KMT2C: variants seen among roughly 807,000 people sequenced by gnomAD.
KMT2C encodes the protein lysine methyltransferase 2C, also known as histone-lysine N-methyltransferase 2C.
Under a neutral mutation model 507.9 loss-of-function variants are expected in KMT2C, and 88 were observed. The ratio of observed to expected loss-of-function variants is 0.17; its 90% CI spans 0.15 to 0.21. KMT2C has a LOEUF of 0.21. KMT2C is among the 10% of genes least tolerant of loss of function. The pLI, the probability that KMT2C is intolerant of heterozygous loss-of-function variation, is 1.00. For synonymous variants in KMT2C, 2,049 were observed against 2,080.8 expected (o/e 0.98, Z 0.42); for missense variants, 4,954 against 5,957.8 (o/e 0.83, Z 5.55).
intron 38 of KMT2C, among the ~76,000 whole-genome samples, chr7:152,175,670 ATCTG>A (rs754675838): frequency 8.5e-4 from 130 of 152,188 alleles, no homozygotes; most frequent in Non-Finnish European, 1.4e-3. Context: ...AGCTGAGGCA[ATCTG>A]TCTGCCTCGG....
At position 152,144,639 on chromosome 7, in the gene KMT2C, C is replaced by T. The variant is rs2129092509; in HGVS notation, c.14343+74G>A. On this transcript the variant is annotated intron_variant, in intron 55 of 58. Coordinates refer to ENST00000262189, the MANE Select transcript of KMT2C (RefSeq NM_170606.3). This position sits in a 1 kb window ranked among gnomAD's most constrained non-coding sequence, Gnocchi z 4.4. ...AGCTATGTGAAATCATTTTCACATA[C>T]TGGACATCAATAGCTTCAGATTGCT... 2 of 1,395,542 alleles carry T rather than the reference C, an allele frequency of 1.4e-6. No homozygotes were observed. Among genetic ancestry groups the T allele is most frequent in the Non-Finnish European group, 2.0e-6 (2 of 1,005,606 alleles). The allele number at this position is 1,395,542 out of a possible 1,614,324, so 86.4% of individuals were successfully genotyped here.
intron 5 of KMT2C, 64 bp downstream of exon 5, chr7:152,311,734 A>C: frequency 8.3e-7 from 1 of 1,204,988 alleles, no homozygotes; most frequent in South Asian, 1.6e-5. Context: ...GGACATTAAT[A>C]ATGTATTAAA....
rs2129120258 is a variant in KMT2C, at chr7:152,181,739, C to T, written c.6121G>A (p.Gly2041Arg). 1 of 1,614,098 alleles carries T rather than the reference C, an allele frequency of 6.2e-7. No homozygotes were observed. The highest frequency in any genetic ancestry group is 8.5e-7 in the Non-Finnish European group (1 of 1,180,032). ...GGTTGCATTGGAGTCTTAAAAGGTC[C>T]AGGACCACTATCAAGAGGTGCAGGT... Reference protein sequence around the residue: ...LTPAPLDSGPGPFKTPMQPPP... With the variant: ...LTPAPLDSGPRPFKTPMQPPP... Residue 2041 changes from glycine to arginine, a missense_variant, in exon 36 of 59, where the codon GGA becomes AGA. By Grantham distance (125) the Gly-to-Arg change is moderately radical (BLOSUM62 -2). Transcript: ENST00000262189.
At chr7:152,392,814 T>A (rs1707856339) in intron 1 of KMT2C, among the ~76,000 whole-genome samples, 3 of 152,234 alleles carry the variant, frequency 2.0e-5, no homozygotes, top group Admixed American at 6.5e-5. Context: ...TCACTGAAAT[T>A]AAAGAACAAT....
At chr7:152,362,819 AATTTTG>A (rs1336563339) in intron 1 of KMT2C, among the ~76,000 whole-genome samples, 4 of 152,138 alleles carry the variant, frequency 2.6e-5, no homozygotes, top group African/African-American at 9.7e-5. Context: ...CTTAAAAAAT[AATTTTG>A]ATTTTAATTT....
intron 9 of KMT2C, among the ~76,000 whole-genome samples, chr7:152,256,723 G>A (rs916079923): frequency 2.6e-5 from 4 of 152,076 alleles, no homozygotes; most frequent in Non-Finnish European, 5.9e-5. Context: ...GACAATTCAC[G>A]AGAAGAAATT....
At chr7:152,253,515 A>C (rs1458765351) in intron 9 of KMT2C, among the ~76,000 whole-genome samples, 8 of 56,410 alleles carry the variant, frequency 1.4e-4, no homozygotes, top group African/African-American at 3.5e-4. Flanking sequence ...CTTTCTCTAC[A>C]AAAAAAAAAA....
chr7:152,211,028 G>T (rs1471135813), intron 23 of KMT2C, among the ~76,000 whole-genome samples: 1 of 151,660 alleles, frequency 6.6e-6, no homozygotes, highest in Non-Finnish European at 1.5e-5. Flanking sequence ...CAGACTGAAA[G>T]AGACCACTCA....
At chr7:152,344,063 G>A (rs1403285513) in intron 2 of KMT2C, among the ~76,000 whole-genome samples, 1 of 152,316 alleles carries the variant, frequency 6.6e-6, no homozygotes, top group East Asian at 1.9e-4. Flanking sequence ...CTGCAACAAT[G>A]TATTCAATTA....
rs79605387 is a variant in KMT2C at position 152,154,459 on chromosome 7, A to C, written c.11961-14T>G. On this transcript the variant is annotated splice_polypyrimidine_tract_variant and intron_variant, in intron 46 of 58. Transcript: ENST00000262189. ...TGATCCTGTATCCTGAAAAAACATA[A>C]ACACACACATCAAAGTCTGCAAATC... The C allele has an allele frequency of 7.3e-4, 1,172 of 1,609,478 alleles. 10 individuals are homozygous for C. The East Asian group carries it at 0.021, about 28-fold the overall frequency.
chr7:152,353,094 T>C (rs1401051856), intron 2 of KMT2C, among the ~76,000 whole-genome samples: 1 of 152,140 alleles, frequency 6.6e-6, no homozygotes, highest in Non-Finnish European at 1.5e-5. Context: ...ATAAAAAAAA[T>C]GCGCAGAGAC....
intron 1 of KMT2C, among the ~76,000 whole-genome samples, chr7:152,369,465 C>G (rs971373924): frequency 1.3e-5 from 2 of 152,024 alleles, no homozygotes; most frequent in African/African-American, 2.4e-5. Flanking sequence ...AAAACTAACA[C>G]ACACAAAAAA....
At chr7:152,296,432 C>CAA (rs551986657) in intron 6 of KMT2C, among the ~76,000 whole-genome samples, 193 of 98,714 alleles carry the variant, frequency 2.0e-3, no homozygotes, top group African/African-American at 6.6e-3. Flanking sequence ...AACTCCATCT[C>CAA]AAAAAAAAAA....
rs1329328747 is a variant in KMT2C at position 152,176,180 on chromosome 7, A to G, written c.9262+11T>C. On this transcript the variant is annotated intron_variant, in intron 38 of 58. Coordinates refer to ENST00000262189, the MANE Select transcript of KMT2C (RefSeq NM_170606.3). ...ATAGTAATATACGTTGAGACTCAAGAAAACTCCTACCAATATTAGGGAAGA... is the reference window on the plus strand; with the variant it reads ...ATAGTAATATACGTTGAGACTCAAGGAAACTCCTACCAATATTAGGGAAGA... 6.3e-7 allele frequency: 1 copy of G among 1,576,868 alleles called. No individual in the cohort carries two copies. The highest frequency in any genetic ancestry group is 2.2e-5 in the East Asian group (1 of 44,466).
intron 1 of KMT2C, among the ~76,000 whole-genome samples, chr7:152,398,269 C>T (rs1461071619): frequency 6.6e-6 from 1 of 152,144 alleles, no homozygotes; most frequent in Non-Finnish European, 1.5e-5. Flanking sequence ...ACACCTAAAA[C>T]ACTCCTTGGC....
At chr7:152,216,313 TA>T in intron 23 of KMT2C, among the ~76,000 whole-genome samples, 1 of 152,226 alleles carries the variant, frequency 6.6e-6, no homozygotes, top group Non-Finnish European at 1.5e-5. Context: ...TTGTTTCTGA[TA>T]CACCAAAGTG....
intron 42 of KMT2C, among the ~76,000 whole-genome samples, chr7:152,164,261 T>C (rs1269710100): frequency 2.0e-5 from 3 of 152,180 alleles, no homozygotes; most frequent in Non-Finnish European, 4.4e-5. Flanking sequence ...ATGTTAAGAT[T>C]TCATTTCTTA....
At chr7:152,175,628 C>T (rs2129111986) in intron 38 of KMT2C, among the ~76,000 whole-genome samples, 1 of 152,228 alleles carries the variant, frequency 6.6e-6, no homozygotes, top group South Asian at 2.1e-4. Context: ...TCATCCATGT[C>T]CTGTGTTGCC....
At chr7:152,173,411 C>A (rs997038451) in intron 39 of KMT2C, among the ~76,000 whole-genome samples, 1 of 152,146 alleles carries the variant, frequency 6.6e-6, no homozygotes, top group Non-Finnish European at 1.5e-5. Flanking sequence ...AAAATACAGA[C>A]ACACAGGCAA....
Sources: gnomAD v4.1 joint callset for allele counts (sites outside exome capture counted in the v4.1 genomes callset) on GRCh38, gnomAD v4.1.1 for gene constraint, Gnocchi (gnomAD v3.1) non-coding constraint, MANE v1.5 for transcripts, NCBI Gene and HGNC (gene_info 2026-07-23, HGNC 2026-07-21) for gene names.